The following TRIM32 variants were observed in gnomAD, a reference collection of about 807,000 sequenced individuals.
TRIM32 encodes the protein tripartite motif containing 32, also known as E3 ubiquitin-protein ligase TRIM32.
TRIM32 carries 19 observed loss-of-function variants against 36.0 expected under a neutral mutation model. The ratio of observed to expected loss-of-function variants is 0.53; its 90% CI spans 0.37 to 0.77. TRIM32 has a LOEUF of 0.77. Among genes scored for constraint, TRIM32 ranks in the 30% least tolerant of loss-of-function variants. The pLI is 0.00. For missense variants in TRIM32, 747 were observed against 845.2 expected (o/e 0.88, Z 1.44); for synonymous variants, 309 against 318.5 (o/e 0.97, Z 0.32).
chr9:116,688,146 G>A (rs1419193421), intron 1 of TRIM32, among the ~76,000 whole-genome samples: 1 of 152,048 alleles, frequency 6.6e-6, no homozygotes, highest in Non-Finnish European at 1.5e-5. Context: ...GTGTGGCAGA[G>A]ATTTGGAAAT....
Position 116,698,347 on chromosome 9 carries a change from C to G in TRIM32, c.605C>G (p.Ser202Cys), listed in dbSNP as rs752937052. 6.2e-7 allele frequency: 1 copy of G among 1,614,144 alleles called. No individual in the cohort carries two copies. Among genetic ancestry groups the G allele is most frequent in the South Asian group, 1.1e-5 (1 of 91,084 alleles). Reference protein sequence around the residue: ...ERRVQDELARSRKFFTGSLAE... With the variant: ...ERRVQDELARCRKFFTGSLAE... ...AGGGTCCAGGATGAGCTGGCTCGCT[C>G]TCGGAAGTTCTTCACAGGCTCTTTG... Residue 202 changes from serine to cysteine, a missense_variant, in exon 2 of 2, where the codon TCT (serine) becomes TGT (cysteine). By Grantham distance (112) the Ser-to-Cys change is moderately radical. Transcript: ENST00000450136. This position sits in a 1 kb window ranked among gnomAD's most constrained non-coding sequence, Gnocchi z 4.4.
At position 116,699,709 on chromosome 9, in the gene TRIM32, T is replaced by C. The variant is rs748468497; in HGVS notation, c.*5T>C. ...AGAAGATATTCCACCCCATAGGGGA[T>C]GAGAAATTATCAGTTTCTTCTGCTC... On this transcript the variant is annotated 3_prime_UTR_variant, in exon 2 of 2. Transcript: ENST00000450136. The surrounding 1 kb of genome is among the most constrained non-coding windows in gnomAD (Gnocchi z 4.2). 15 of 1,614,222 alleles carry C rather than the reference T, an allele frequency of 9.3e-6. No homozygotes were observed. The highest frequency in any genetic ancestry group is 1.3e-5 in the Non-Finnish European group (15 of 1,180,040).
Position 116,692,403 on chromosome 9 carries a change from T to C in TRIM32, c.-82+5022T>C, listed in dbSNP as rs139362681. 2.8e-3 allele frequency among the ~76,000 whole-genome samples: 426 copies of C among 152,344 alleles called. 3 individuals are homozygous for C. The highest frequency in any genetic ancestry group is 0.012 in the Admixed American group (178 of 15,300). ...CAGCAGTTGCTGCTACTGCTAATAA[T>C]AATAAAAACTATTATTTATGTATAG... is the stretch of plus-strand genomic sequence containing the variant. On this transcript the variant is annotated intron_variant, in intron 1 of 1. Transcript: ENST00000450136.
At position 116,698,441 on chromosome 9, in the gene TRIM32, G is replaced by C. The variant is rs1057521228; in HGVS notation, c.699G>C (p.Val233=). The C allele has an allele frequency of 6.2e-7, 1 of 1,614,130 alleles. No homozygotes were observed. Among genetic ancestry groups the C allele is most frequent in the Non-Finnish European group, 8.5e-7 (1 of 1,180,040 alleles). ...GTTACCTGCTTAACATTGCAGAGGT[G>C]CAGGCTGTGTCTCGCTGTGACTACT... ...EQSYLLNIAE[V]QAVSRCDYFL... The change falls in exon 2 of 2, where the codon GTG becomes GTC. Residue 233 remains valine (V), a synonymous_variant. Coordinates refer to ENST00000450136, the MANE Select transcript of TRIM32 (RefSeq NM_012210.4). This position sits in a 1 kb window ranked among gnomAD's most constrained non-coding sequence, Gnocchi z 4.4.
chr9:116,697,527 A>G (rs1860924452), intron 1 of TRIM32, 135 bp from the exon 2 acceptor site: 3 of 606,540 alleles, frequency 4.9e-6, no homozygotes, highest in Admixed American at 5.7e-5. Flanking sequence ...CGTGACATAT[A>G]ATAGACCTCA....
Position 116,697,755 on chromosome 9 carries a change from G to A in TRIM32, c.13G>A (p.Ala5Thr). MAAA[A>T]ASHLNLDALR... Reference sequence around the variant, plus strand: ...CAAAGGAAGAGCAATGGCTGCAGCAGCAGCTTCTCACCTGAACCTGGATGC... The same window carrying A: ...CAAAGGAAGAGCAATGGCTGCAGCAACAGCTTCTCACCTGAACCTGGATGC... The change falls in exon 2 of 2, where the codon GCA becomes ACA. Residue 5 changes from alanine to threonine, a missense_variant. Physicochemically the swap from Ala to Thr is moderately conservative, Grantham distance 58 (BLOSUM62 0). Coordinates refer to ENST00000450136, the MANE Select transcript of TRIM32 (RefSeq NM_012210.4). The A allele has an allele frequency of 1.2e-6, 2 of 1,614,054 alleles. No homozygotes were observed. Among genetic ancestry groups the A allele is most frequent in the African/African-American group, 2.7e-5 (2 of 75,052 alleles).
chr9:116,687,736 G>A (rs1284934376), intron 1 of TRIM32, among the ~76,000 whole-genome samples: 1 of 152,014 alleles, frequency 6.6e-6, no homozygotes, highest in Non-Finnish European at 1.5e-5. Context: ...GGCCCTGGAG[G>A]GACCTGGGTG....
chr9:116,690,389 A>C (rs1459718936), intron 1 of TRIM32, among the ~76,000 whole-genome samples: 1 of 152,218 alleles, frequency 6.6e-6, no homozygotes, highest in Admixed American at 6.5e-5. Flanking sequence ...GTTCTGTCTT[A>C]CACCTATGTT....
At position 116,698,328 on chromosome 9, in the gene TRIM32, C is replaced by G. The variant is rs761382746; in HGVS notation, c.586C>G (p.Gln196Glu). The G allele has an allele frequency of 6.2e-7, 1 of 1,614,104 alleles. No individual in the cohort carries two copies. Among genetic ancestry groups the G allele is most frequent in the South Asian group, 1.1e-5 (1 of 91,082 alleles). Residue 196 changes from glutamine to glutamate, a missense_variant, in exon 2 of 2, where the codon CAG becomes GAG. Physicochemically the swap from Gln to Glu is conservative, Grantham distance 29. Transcript: ENST00000450136. The surrounding 1 kb of genome is among the most constrained non-coding windows in gnomAD (Gnocchi z 4.4). The stretch of plus-strand genomic sequence containing the variant: ...GTATGGGCATGAGGAGCGCAGGGTC[C>G]AGGATGAGCTGGCTCGCTCTCGGAA... ...QEYGHEERRVQDELARSRKFF... is the reference protein window; with the variant it reads ...QEYGHEERRVEDELARSRKFF...
chr9:116,698,304 T>C lies in TRIM32; in HGVS notation c.562T>C (p.Tyr188His). Residue 188 changes from tyrosine (Y) to histidine (H), a missense_variant, in exon 2 of 2, where the codon TAT becomes CAT. Physicochemically the swap from Tyr to His is moderately conservative, Grantham distance 83 (BLOSUM62 2). Transcript: ENST00000450136. The surrounding 1 kb of genome is among the most constrained non-coding windows in gnomAD (Gnocchi z 4.4). Reference sequence around the variant, plus strand: ...AAGGTATAAAGCAGTTCTCCAGGAGTATGGGCATGAGGAGCGCAGGGTCCA... The same window carrying C: ...AAGGTATAAAGCAGTTCTCCAGGAGCATGGGCATGAGGAGCGCAGGGTCCA... ...QARYKAVLQEYGHEERRVQDE... is the reference protein window; with the variant it reads ...QARYKAVLQEHGHEERRVQDE... 6.2e-7 allele frequency: 1 copy of C among 1,613,848 alleles called. No homozygotes were observed. Among genetic ancestry groups the C allele is most frequent in the East Asian group, 2.2e-5 (1 of 44,858 alleles).
rs1860990150 is a variant in TRIM32, at chr9:116,698,366, C to G, written c.624C>G (p.Gly208=). Residue 208 remains glycine (G), a synonymous_variant, in exon 2 of 2, where the codon GGC becomes GGG. Coordinates refer to ENST00000450136, the MANE Select transcript of TRIM32 (RefSeq NM_012210.4). This position sits in a 1 kb window ranked among gnomAD's most constrained non-coding sequence, Gnocchi z 4.4. ...ELARSRKFFT[G]SLAEVEKSNS... The stretch of plus-strand genomic sequence containing the variant: ...CTCGCTCTCGGAAGTTCTTCACAGG[C>G]TCTTTGGCTGAAGTTGAGAAGTCCA... The G allele has an allele frequency of 1.2e-6, 2 of 1,614,008 alleles. No individual in the cohort carries two copies.
chr9:116,697,767 C>T lies in TRIM32; in HGVS notation c.25C>T (p.Leu9=), dbSNP rs555711192. ...AATGGCTGCAGCAGCAGCTTCTCAC[C>T]TGAACCTGGATGCCCTCCGGGAAGT... The part of the protein sequence containing the change: MAAAAASH[L]NLDALREVLE... The change falls in exon 2 of 2, where the codon CTG becomes TTG. Residue 9 remains leucine (L), a synonymous_variant. Transcript: ENST00000450136. The T allele has an allele frequency of 6.2e-7, 1 of 1,614,004 alleles. No homozygotes were observed. Among genetic ancestry groups the T allele is most frequent in the Non-Finnish European group, 8.5e-7 (1 of 1,180,052 alleles).
chr9:116,693,116 A>G (rs1860656545), intron 1 of TRIM32, among the ~76,000 whole-genome samples: 1 of 152,170 alleles, frequency 6.6e-6, no homozygotes, highest in South Asian at 2.1e-4. Flanking sequence ...TAATACTAGT[A>G]CTAGTTATTG....
rs149509191 is a variant in TRIM32 at position 116,699,584 on chromosome 9, G to A, written c.1842G>A (p.Glu614=). 12 of 1,614,072 alleles carry A rather than the reference G, an allele frequency of 7.4e-6. No homozygotes were observed. Among genetic ancestry groups the A allele is most frequent in the African/African-American group, 1.3e-5 (1 of 74,910 alleles). ...GGGGCTATAGTGTCCTTATTCGAGA[G>A]GGACTTACCTGTCCGGTGGGCATAG... The part of the protein sequence containing the change: ...KGGGYSVLIR[E]GLTCPVGIAL... Residue 614 remains glutamate, a synonymous_variant, in exon 2 of 2, where the codon GAG becomes GAA. Coordinates refer to ENST00000450136, the MANE Select transcript of TRIM32 (RefSeq NM_012210.4). This position sits in a 1 kb window ranked among gnomAD's most constrained non-coding sequence, Gnocchi z 4.2.
rs1311592663 is a variant in TRIM32 at position 116,701,079 on chromosome 9, G to C, written c.*1375G>C. 2 of 167,116 alleles carry C rather than the reference G, an allele frequency of 1.2e-5. No individual in the cohort carries two copies. The highest frequency in any genetic ancestry group is 4.8e-5 in the African/African-American group (2 of 41,468). The allele number at this position is 167,116 out of a possible 1,614,324, so 10.4% of individuals were successfully genotyped here. ...AGATCAGAAGTGGGTGAGAGGACCT[G>C]TGATGAGGTTCCTGAGGGTTTGGTG... On this transcript the variant is annotated 3_prime_UTR_variant, in exon 2 of 2. Coordinates refer to ENST00000450136, the MANE Select transcript of TRIM32 (RefSeq NM_012210.4).
chr9:116,697,895 A>C lies in TRIM32; in HGVS notation c.153A>C (p.Leu51=), dbSNP rs1413028401. The part of the protein sequence containing the change: ...HTICRQCLEK[L]LASSINGVRC... The stretch of plus-strand genomic sequence containing the variant: ...TCTGCCGCCAGTGCCTGGAGAAGCT[A>C]TTGGCCAGTAGCATCAATGGTGTCC... The change falls in exon 2 of 2, where the codon CTA becomes CTC. Residue 51 remains leucine, a synonymous_variant. Transcript: ENST00000450136. The C allele has an allele frequency of 1.2e-6, 2 of 1,614,080 alleles. No homozygotes were observed. The highest frequency in any genetic ancestry group is 1.7e-6 in the Non-Finnish European group (2 of 1,180,046).
chr9:116,695,416 G>A (rs545515832), intron 1 of TRIM32, among the ~76,000 whole-genome samples: 174 of 152,298 alleles, frequency 1.1e-3, no homozygotes, highest in African/African-American at 4.0e-3. Flanking sequence ...TTAGATAATT[G>A]TGCATGTCTG....
At chr9:116,696,708 T>TA (rs1281555291) in intron 1 of TRIM32, among the ~76,000 whole-genome samples, 1 of 152,196 alleles carries the variant, frequency 6.6e-6, no homozygotes, top group Non-Finnish European at 1.5e-5. Context: ...TTGTCTTTTA[T>TA]AAAGTTTGAA....
Position 116,701,153 on chromosome 9 carries a change from A to G in TRIM32, c.*1449A>G, listed in dbSNP as rs543682671. The G allele has an allele frequency of 1.8e-5, 3 of 167,126 alleles. No individual in the cohort carries two copies. The highest frequency in any genetic ancestry group is 2.9e-5 in the Non-Finnish European group (2 of 68,134). 10.4% of individuals were successfully genotyped at this position (167,126 alleles called of 1,614,324 possible). A position where few individuals can be genotyped will look rare whatever the true frequency, so the allele number is the denominator to read the frequency against. On this transcript the variant is annotated 3_prime_UTR_variant, in exon 2 of 2. Transcript: ENST00000450136. ...CTAGGTGCAGGGCTGATGGCAAGCC[A>G]AAGAGCAACTGCCTTACTTTGATGT... is the stretch of plus-strand genomic sequence containing the variant.
Sources: gnomAD v4.1 joint callset for allele counts (sites outside exome capture counted in the v4.1 genomes callset) on GRCh38, gnomAD v4.1.1 for gene constraint, Gnocchi (gnomAD v3.1) non-coding constraint, MANE v1.5 for transcripts, NCBI Gene and HGNC (gene_info 2026-07-23, HGNC 2026-07-21) for gene names.